The following TMEM230 variants were observed in gnomAD, a reference collection of about 807,000 sequenced individuals.
The protein encoded by TMEM230 is UPF0414 transmembrane protein C20orf30.
TMEM230 carries 10 observed loss-of-function variants against 15.8 expected under a neutral mutation model. The ratio of observed to expected loss-of-function variants is 0.63; its 90% CI spans 0.39 to 1.07. The LOEUF is 1.07. TMEM230 is among the 50% of genes least tolerant of loss of function. The probability of loss-of-function intolerance (pLI) is 0.01; values close to 1 mark genes in which losing one functional copy is unlikely to be tolerated. For missense variants in TMEM230, 165 were observed against 193.3 expected (o/e 0.85, Z 0.87); for synonymous variants, 67 against 76.9 (o/e 0.87, Z 0.68).
At chr20:5,096,038 G>A (rs1010874957), downstream of TMEM230, among the ~76,000 whole-genome samples, 1 of 152,188 alleles carries the variant, frequency 6.6e-6, no homozygotes, top group Non-Finnish European at 1.5e-5. Flanking sequence ...AAGGGCCAGG[G>A]GCCTGAGACC....
chr20:5,072,848 CAAAAAAAAAA>C (rs3056051), intron 3 of TMEM230, among the ~76,000 whole-genome samples: 31 of 51,442 alleles, frequency 6.0e-4, no homozygotes, highest in African/African-American at 2.5e-3. Context: ...GACTCCACCT[CAAAAAAAAAA>C]AAAAAAAAAA....
intron 3 of TMEM230, among the ~76,000 whole-genome samples, chr20:5,108,362 T>G (rs1368636310): frequency 6.9e-6 from 1 of 144,806 alleles, no homozygotes; most frequent in African/African-American, 2.6e-5. Flanking sequence ...GAGGTTGCAG[T>G]GAGCCGAGGT....
At position 5,078,472 on chromosome 20, in the gene TMEM230, C is replaced by G. The variant is rs189862788; in HGVS notation, c.223-9123G>C. ...ACAGGTGTGAAGTATGAGATAGAGA[C>G]TGTATCATCCAGGGTAGGCTGGGAT... On this transcript the variant is annotated intron_variant, in intron 3 of 3. Transcript: ENST00000612323. Among the ~76,000 whole-genome samples, 76 of 152,290 alleles carry G rather than the reference C, an allele frequency of 5.0e-4. No homozygotes were observed. In the Middle Eastern group the frequency reaches 0.014, roughly 27 times the overall value.
chr20:5,097,870 C>T (rs1038746837), downstream of TMEM230, among the ~76,000 whole-genome samples: 17 of 151,506 alleles, frequency 1.1e-4, no homozygotes, highest in Non-Finnish European at 1.9e-4. Context: ...CTCGGCCTCC[C>T]AAGTGCTGGG....
At chr20:5,063,277 ATTTTTTTTTT>A (rs1165126313), downstream of TMEM230, among the ~76,000 whole-genome samples, 63 of 86,412 alleles carry the variant, frequency 7.3e-4, no homozygotes, top group African/African-American at 2.6e-3. Flanking sequence ...GCTGCTATGA[ATTTTTTTTTT>A]TTTTTTTTTT....
intron 3 of TMEM230, among the ~76,000 whole-genome samples, chr20:5,071,242 C>T (rs1030170551): frequency 6.6e-6 from 1 of 152,148 alleles, no homozygotes; most frequent in African/African-American, 2.4e-5. Context: ...CAATCAAGAA[C>T]ACTCAAAGAC....
In TMEM230 at chr20:5,094,444, C is replaced by T. The variant is rs185137929; in HGVS notation, c.222+11744G>A. Among the ~76,000 whole-genome samples the T allele has an allele frequency of 5.6e-3, 845 of 151,742 alleles. 9 individuals carry two copies. Among genetic ancestry groups the T allele is most frequent in the African/African-American group, 0.019 (796 of 41,440 alleles). ...AAATTTTTGGCCAGGCATGGTGGCT[C>T]ACGCCTGTAATCCCAGTACTTTGGG... On this transcript the variant is annotated intron_variant, in intron 3 of 3. Transcript: ENST00000612323.
chr20:5,065,367 TCAGGAG>T (rs1458869585), downstream of TMEM230, among the ~76,000 whole-genome samples: 16 of 152,162 alleles, frequency 1.1e-4, no homozygotes, highest in Admixed American at 9.8e-4. Flanking sequence ...TGACCAATTG[TCAGGAG>T]CAGGGGCACT....
chr20:5,085,920 C>T (rs965617028), intron 3 of TMEM230, among the ~76,000 whole-genome samples: 4 of 152,140 alleles, frequency 2.6e-5, no homozygotes, highest in African/African-American at 9.7e-5. Flanking sequence ...GTTGTCAGGC[C>T]ATACCTGCCG....
At chr20:5,062,170 C>T in the TMEM230 span, among the ~76,000 whole-genome samples, 4 of 151,170 alleles carry the variant, frequency 2.6e-5, no homozygotes, top group Admixed American at 6.6e-5. Flanking sequence ...TACAGTGAGC[C>T]GAGATCGCAC....
chr20:5,097,327 T>C (rs1037767345), downstream of TMEM230, among the ~76,000 whole-genome samples: 1 of 152,196 alleles, frequency 6.6e-6, no homozygotes, highest in African/African-American at 2.4e-5. Flanking sequence ...ATCTGAAATT[T>C]CCATCATATG....
downstream of TMEM230, chr20:5,066,151 C>A (rs2088650422): frequency 6.6e-6 from 1 of 152,256 alleles, no homozygotes; most frequent in African/African-American, 2.4e-5. Flanking sequence ...TGCATCATTG[C>A]CACCCTGGCA....
chr20:5,112,215 T>C (rs1253530406), intron 1 of TMEM230, among the ~76,000 whole-genome samples: 2 of 152,244 alleles, frequency 1.3e-5, no homozygotes, highest in East Asian at 1.9e-4. Flanking sequence ...TAAATATTAA[T>C]ATCCGTTTTT....
chr20:5,087,751 T>G (rs1254148104), intron 3 of TMEM230, among the ~76,000 whole-genome samples: 1 of 137,808 alleles, frequency 7.3e-6, no homozygotes, highest in East Asian at 2.4e-4. Context: ...AGGAAATCCA[T>G]ATCACAACTC....
At chr20:5,087,155 T>A (rs1171035025) in intron 3 of TMEM230, among the ~76,000 whole-genome samples, 1 of 152,186 alleles carries the variant, frequency 6.6e-6, no homozygotes, top group Non-Finnish European at 1.5e-5. Flanking sequence ...ATTATAGGCA[T>A]GAGCCGCCAT....
At chr20:5,075,910 C>A (rs2088977739) in intron 3 of TMEM230, among the ~76,000 whole-genome samples, 1 of 151,900 alleles carries the variant, frequency 6.6e-6, no homozygotes. Flanking sequence ...TTGAGACCAG[C>A]CTGGGCCACA....
intron 3 of TMEM230, among the ~76,000 whole-genome samples, chr20:5,091,448 T>A (rs2089504320): frequency 6.6e-6 from 1 of 152,112 alleles, no homozygotes; most frequent in Non-Finnish European, 1.5e-5. Context: ...TGACCTCAGG[T>A]GATCCACCCA....
chr20:5,080,591 G>T (rs184691384), intron 3 of TMEM230, among the ~76,000 whole-genome samples: 363 of 151,374 alleles, frequency 2.4e-3, no homozygotes, highest in Non-Finnish European at 4.0e-3. Context: ...TTTTGAAATG[G>T]AGTCTCAGTC....
chr20:5,091,703 G>C (rs2089511568), intron 3 of TMEM230, among the ~76,000 whole-genome samples: 1 of 142,254 alleles, frequency 7.0e-6, no homozygotes, highest in Non-Finnish European at 1.5e-5. Flanking sequence ...CTGGAGGATG[G>C]GCATGGTGGA....
Sources: allele counts gnomAD v4.1 joint callset (sites outside exome capture counted in the v4.1 genomes callset), GRCh38; gene constraint gnomAD v4.1.1; transcripts MANE v1.5; gene names NCBI Gene and HGNC (gene_info 2026-07-23, HGNC 2026-07-21).